Variants in GUF1 observed in about 807,000 individuals in gnomAD.
GUF1 encodes the protein GTP binding elongation factor GUF1.
In GUF1, 78 loss-of-function variants were observed where a neutral mutation model predicts 82.4. The ratio of observed to expected loss-of-function variants is 0.95; its 90% CI spans 0.79 to 1.14. The LOEUF (loss-of-function observed/expected upper bound fraction) is 1.14. Among genes scored for constraint, GUF1 ranks in the 50% most tolerant of loss-of-function variants. The pLI is 0.00. For synonymous variants in GUF1, 279 were observed against 282.3 expected (o/e 0.99, Z 0.12); for missense variants, 814 against 798.2 (o/e 1.02, Z -0.24).
intron 6 of GUF1, among the ~76,000 whole-genome samples, chr4:44,683,870 T>C (rs1055370731): frequency 3.3e-5 from 5 of 152,132 alleles, no homozygotes; most frequent in East Asian, 1.9e-4. Context: ...CAAACTGCTA[T>C]ACTACATGGT....
In GUF1 at chr4:44,680,527, A is replaced by G. The variant is rs1714703343; in HGVS notation, c.252A>G (p.Leu84=). Residue 84 remains leucine, a synonymous_variant, in exon 2 of 17, where the codon TTA becomes TTG. Transcript: ENST00000281543. ...ACGTGGATCATGGCAAAAGTACTTTAGCTGACAGGCTCCTAGAACTTACAG... is the reference window on the plus strand; with the variant it reads ...ACGTGGATCATGGCAAAAGTACTTTGGCTGACAGGCTCCTAGAACTTACAG... The part of the protein sequence containing the change: ...VAHVDHGKST[L]ADRLLELTGT... The G allele has an allele frequency of 1.2e-6, 2 of 1,607,790 alleles. No individual in the cohort carries two copies. The highest frequency in any genetic ancestry group is 4.5e-5 in the East Asian group (2 of 44,580).
At chr4:44,690,691 G>T (rs1715379826) in intron 11 of GUF1, 26 bp from the exon 12 acceptor site, 1 of 1,343,726 alleles carries the variant, frequency 7.4e-7, no homozygotes, top group Non-Finnish European at 1.0e-6. Context: ...AAGATTTTAA[G>T]TATTGCTGAT....
At chr4:44,698,064 T>G (rs989727007) in intron 16 of GUF1, among the ~76,000 whole-genome samples, 3 of 152,144 alleles carry the variant, frequency 2.0e-5, no homozygotes, top group Non-Finnish European at 4.4e-5. Flanking sequence ...GAGAATTGCT[T>G]GAGCTCAGGA....
intron 6 of GUF1, among the ~76,000 whole-genome samples, chr4:44,685,667 A>C (rs778751224): frequency 1.7e-4 from 26 of 152,078 alleles, no homozygotes; most frequent in Non-Finnish European, 3.8e-4. Flanking sequence ...GGTGAAATAC[A>C]TGGATTCAAT....
At chr4:44,688,222 A>G in intron 9 of GUF1, 76 bp downstream of exon 9, 1 of 1,369,474 alleles carries the variant, frequency 7.3e-7, no homozygotes, top group South Asian at 1.4e-5. Context: ...GGTTAAGGAA[A>G]AAATACACAT....
At position 44,695,631 on chromosome 4, in the gene GUF1, A is replaced by G. The variant is rs150660496; in HGVS notation, c.1732A>G (p.Ile578Val). The part of the protein sequence containing the change: ...TVVHKDKAHS[I>V]GKAICERLKD... The stretch of plus-strand genomic sequence containing the variant: ...CTGTCTCAGAGACAAAGCTCATTCA[A>G]TTGGCAAAGCCATATGTGAACGGCT... The change falls in exon 15 of 17, where the codon ATT becomes GTT. Residue 578 changes from isoleucine (I) to valine (V), a missense_variant. Coordinates refer to ENST00000281543, the MANE Select transcript of GUF1 (RefSeq NM_021927.3). 2.0e-5 allele frequency: 33 copies of G among 1,610,736 alleles called. No individual in the cohort carries two copies. The African/African-American group carries it at 2.3e-4, about 11-fold the overall frequency.
chr4:44,683,419 T>G, intron 6 of GUF1, 101 bp downstream of exon 6: 2 of 611,634 alleles, frequency 3.3e-6, no homozygotes, highest in Non-Finnish European at 5.6e-6. Context: ...TATATGCTGT[T>G]TTTTATAGTT....
At chr4:44,697,262 CTAAT>C in intron 15 of GUF1, 142 bp from the exon 16 acceptor site, 1 of 427,194 alleles carries the variant, frequency 2.3e-6, no homozygotes, top group Non-Finnish European at 4.3e-6. Flanking sequence ...TTTGAAGTAT[CTAAT>C]TAATATGCTT....
At chr4:44,698,368 C>T (rs1380727837) in intron 16 of GUF1, among the ~76,000 whole-genome samples, 176 bp from the exon 17 acceptor site, 2 of 151,922 alleles carry the variant, frequency 1.3e-5, no homozygotes, top group African/African-American at 4.8e-5. Flanking sequence ...AGATTAAATC[C>T]TGTATCATTC....
intron 1 of GUF1, among the ~76,000 whole-genome samples, chr4:44,679,507 T>C (rs1309394424): frequency 1.3e-5 from 2 of 152,182 alleles, no homozygotes; most frequent in Admixed American, 1.3e-4. Flanking sequence ...GGCCCTAATA[T>C]GCCTGTGTTT....
Position 44,694,443 on chromosome 4 carries a change from G to A in GUF1, c.1645G>A (p.Ala549Thr). ...TTACGAAGATGCAGGCTACCAGACT[G>A]CAGAACTTGTAAAAATGGATATTCT... is the stretch of plus-strand genomic sequence containing the variant. Reference protein sequence around the residue: ...FDYEDAGYQTAELVKMDILLN... With the variant: ...FDYEDAGYQTTELVKMDILLN... The change falls in exon 14 of 17, where the codon GCA becomes ACA. Residue 549 changes from alanine (A) to threonine (T), a missense_variant. Transcript: ENST00000281543. 1 of 1,612,422 alleles carries A rather than the reference G, an allele frequency of 6.2e-7. No homozygotes were observed. The highest frequency in any genetic ancestry group is 8.5e-7 in the Non-Finnish European group (1 of 1,178,890).
In GUF1 at chr4:44,686,493, T is replaced by C; in HGVS notation, c.735-17T>C. ...AATTTAGTGTATATATATTTACTTT[T>C]TACTTATATTTACTAGTCCTAAAGT... On this transcript the variant is annotated splice_polypyrimidine_tract_variant and intron_variant, in intron 7 of 16. Coordinates refer to ENST00000281543, the MANE Select transcript of GUF1 (RefSeq NM_021927.3). The C allele has an allele frequency of 6.6e-7, 1 of 1,512,864 alleles. No individual in the cohort carries two copies. The highest frequency in any genetic ancestry group is 9.1e-7 in the Non-Finnish European group (1 of 1,099,508). 93.7% of individuals were successfully genotyped at this position (1,512,864 alleles called of 1,614,324 possible). A position where few individuals can be genotyped will look rare whatever the true frequency, so the allele number is the denominator to read the frequency against.
intron 14 of GUF1, 58 bp downstream of exon 14, chr4:44,694,571 T>TCAAAAAAAAA: frequency 1.8e-6 from 2 of 1,088,532 alleles, no homozygotes; most frequent in African/African-American, 1.6e-5. Flanking sequence ...TGTTTTTCAT[T>TCAAAAAAAAA]TATTTTTGTT....
At position 44,699,527 on chromosome 4, in the gene GUF1, G is replaced by A. The variant is rs984747055; in HGVS notation, c.*846G>A. 4.6e-5 allele frequency: 7 copies of A among 152,154 alleles called. No homozygotes were observed. Among genetic ancestry groups the A allele is most frequent in the African/African-American group, 1.7e-4 (7 of 41,418 alleles). The allele number at this position is 152,154 out of a possible 1,614,324, so 9.4% of individuals were successfully genotyped here. A position where few individuals can be genotyped will look rare whatever the true frequency, so the allele number is the denominator to read the frequency against. On this transcript the variant is annotated 3_prime_UTR_variant, in exon 17 of 17. Coordinates refer to ENST00000281543, the MANE Select transcript of GUF1 (RefSeq NM_021927.3). ...AATTTCCATGAATCTCAACAAGTGA[G>A]GACCTGCTATATTTTGTTGCATGCA...
chr4:44,685,965 G>T lies in GUF1; in HGVS notation c.676G>T (p.Ala226Ser). 1 of 1,597,706 alleles carries T rather than the reference G, an allele frequency of 6.3e-7. No individual in the cohort carries two copies. Residue 226 changes from alanine to serine, a missense_variant, in exon 7 of 17, where the codon GCT (alanine) becomes TCT (serine). By Grantham distance (99) the Ala-to-Ser change is moderately conservative. Transcript: ENST00000281543. Reference protein sequence around the residue: ...IPSDECIKISAKLGTNVESVL... With the variant: ...IPSDECIKISSKLGTNVESVL... ...TTCACATGTATCTTTTTAGATTTCTGCTAAACTTGGAACAAATGTTGAGAG... is the reference window on the plus strand; with the variant it reads ...TTCACATGTATCTTTTTAGATTTCTTCTAAACTTGGAACAAATGTTGAGAG...
chr4:44,687,941 C>A, intron 8 of GUF1, 66 bp from the exon 9 acceptor site: 2 of 1,430,412 alleles, frequency 1.4e-6, no homozygotes, highest in Non-Finnish European at 9.7e-7. Flanking sequence ...GAAGGTAGAA[C>A]TAATTGTGAG....
intron 16 of GUF1, among the ~76,000 whole-genome samples, chr4:44,697,765 G>A (rs1200613649): frequency 6.6e-6 from 1 of 152,088 alleles, no homozygotes; most frequent in Non-Finnish European, 1.5e-5. Context: ...TATAATGAAA[G>A]ATTTTGAAAA....
rs768143780 is a variant in GUF1, at chr4:44,681,196, CAAA to C, written c.501_503del (p.Asn168del). On this transcript the variant is annotated inframe_deletion, in exon 4 of 17. Coordinates refer to ENST00000281543, the MANE Select transcript of GUF1 (RefSeq NM_021927.3). ...CAGGGTGTTTTACTTGTGGTTGATG[CAAA>C]TGAGGTAGGTATTTTTCATTTTGTA... 3.1e-6 allele frequency: 5 copies of C among 1,607,550 alleles called. No homozygotes were observed. The highest frequency in any genetic ancestry group is 4.3e-6 in the Non-Finnish European group (5 of 1,174,550).
intron 13 of GUF1, 110 bp from the exon 14 acceptor site, chr4:44,694,302 T>C: frequency 1.4e-6 from 1 of 692,692 alleles, no homozygotes; most frequent in Non-Finnish European, 2.6e-6. Flanking sequence ...AACATATCTC[T>C]TTGGGGAGTG....
Sources: gnomAD v4.1 joint callset for allele counts (sites outside exome capture counted in the v4.1 genomes callset) on GRCh38, gnomAD v4.1.1 for gene constraint, MANE v1.5 for transcripts, NCBI Gene and HGNC (gene_info 2026-07-23, HGNC 2026-07-21) for gene names.